The following PGGHG variants were observed in gnomAD, a reference collection of about 807,000 sequenced individuals.
The protein encoded by PGGHG is ATH1, acid trehalase-like 1.
PGGHG carries 67 observed loss-of-function variants against 74.5 expected under a neutral mutation model. That is an observed-to-expected ratio of 0.90 (90% confidence interval 0.74 to 1.10). The LOEUF is 1.10. Ranked by LOEUF, PGGHG falls within the 50% of genes least tolerant of loss-of-function variation. The probability of loss-of-function intolerance (pLI) is 0.00; values close to 1 mark genes in which losing one functional copy is unlikely to be tolerated. For missense variants in PGGHG, 1,034 were observed against 981.5 expected, an observed-to-expected ratio of 1.05 and a Z score of -0.72; for synonymous variants, 496 against 419.9, an observed-to-expected ratio of 1.18 and a Z score of -2.21.
At position 294,407 on chromosome 11, in the gene PGGHG, G is replaced by C. The variant is rs779322076; in HGVS notation, c.1949G>C (p.Arg650Pro). Residue 650 changes from arginine (R) to proline (P), a missense_variant, in exon 13 of 14, where the codon CGA (arginine) becomes CCA (proline). Physicochemically the swap from Arg to Pro is moderately radical, Grantham distance 103. Coordinates refer to ENST00000409548, the MANE Select transcript of PGGHG (RefSeq NM_025092.5). Reference sequence around the variant, plus strand: ...TCCGTGACCGTGGAGGTCACAGCTCGAGCAGGGCCCTGGGCTCCTCACCTG... The same window carrying C: ...TCCGTGACCGTGGAGGTCACAGCTCCAGCAGGGCCCTGGGCTCCTCACCTG... ...EDSVTVEVTA[R>P]AGPWAPHLEA... is the part of the protein sequence containing the mutation. The C allele has an allele frequency of 1.2e-6, 2 of 1,612,550 alleles. No individual in the cohort carries two copies. Among genetic ancestry groups the C allele is most frequent in the South Asian group, 1.1e-5 (1 of 91,010 alleles).
In PGGHG at chr11:294,391, G is replaced by A. The variant is rs750680197; in HGVS notation, c.1933G>A (p.Val645Met). Residue 645 changes from valine to methionine, a missense_variant, in exon 13 of 14, where the codon GTG becomes ATG. Transcript: ENST00000409548. The part of the protein sequence containing the change: ...NFSFSEDSVT[V>M]EVTARAGPWA... ...CTCTTTTTCCGAGGACTCCGTGACC[G>A]TGGAGGTCACAGCTCGAGCAGGGCC... The A allele has an allele frequency of 7.4e-6, 12 of 1,612,916 alleles. No individual in the cohort carries two copies. Among genetic ancestry groups the A allele is most frequent in the African/African-American group, 5.3e-5 (4 of 74,870 alleles).
chr11:291,792 A>T (rs1412441087), intron 4 of PGGHG, 184 bp from the exon 5 acceptor site: 1 of 855,394 alleles, frequency 1.2e-6, no homozygotes, highest in Non-Finnish European at 1.7e-6. Flanking sequence ...CCAGAACTCC[A>T]GGAGCGTCTG....
chr11:293,713 C>T lies in PGGHG; in HGVS notation c.1600C>T (p.Pro534Ser). 6.2e-7 allele frequency: 1 copy of T among 1,613,284 alleles called. No individual in the cohort carries two copies. Among genetic ancestry groups the T allele is most frequent in the Non-Finnish European group, 8.5e-7 (1 of 1,179,976 alleles). ...IYEAVTSPQG[P>S]AMTWSMFAVG... is the part of the protein sequence containing the mutation. ...CGAGGCTGTGACGTCCCCCCAGGGC[C>T]CCGCCATGACCTGGGTGAGCACCCT... Residue 534 changes from proline to serine, a missense_variant, in exon 10 of 14, where the codon CCC becomes TCC. By Grantham distance (74) the Pro-to-Ser change is moderately conservative (BLOSUM62 -1). Transcript: ENST00000409548.
In PGGHG at chr11:292,672, A is replaced by G; in HGVS notation, c.1153A>G (p.Thr385Ala). 6.2e-7 allele frequency: 1 copy of G among 1,613,634 alleles called. No individual in the cohort carries two copies. Among genetic ancestry groups the G allele is most frequent in the Non-Finnish European group, 8.5e-7 (1 of 1,179,970 alleles). The change falls in exon 6 of 14, where the codon ACC (threonine) becomes GCC (alanine). Residue 385 changes from threonine to alanine, a missense_variant. Coordinates refer to ENST00000409548, the MANE Select transcript of PGGHG (RefSeq NM_025092.5). The part of the protein sequence containing the change: ...VLAFELYYHT[T>A]QDLQLFREAG... Reference sequence around the variant, plus strand: ...GGCCTTCGAGCTGTACTACCATACCACCCAGGTGAGGTGCTGCGTGCCCAC... The same window carrying G: ...GGCCTTCGAGCTGTACTACCATACCGCCCAGGTGAGGTGCTGCGTGCCCAC...
chr11:294,823 C>A lies in PGGHG; in HGVS notation c.*74C>A. On this transcript the variant is annotated 3_prime_UTR_variant, in exon 14 of 14. Coordinates refer to ENST00000409548, the MANE Select transcript of PGGHG (RefSeq NM_025092.5). ...CGTCTGCACCCACCCCTCCTGGGCA[C>A]CCTCCTAGCCTGCCATCCCTCACCT... The A allele has an allele frequency of 6.9e-7, 1 of 1,452,078 alleles. No homozygotes were observed. The allele number at this position is 1,452,078 out of a possible 1,614,324, so 89.9% of individuals were successfully genotyped here.
intron 4 of PGGHG, 80 bp downstream of exon 4, chr11:291,193 G>A: frequency 6.8e-7 from 1 of 1,460,664 alleles, no homozygotes; most frequent in Admixed American, 2.3e-5. Flanking sequence ...CTGGGACCAG[G>A]GCTATGGTTG....
Position 294,549 on chromosome 11 carries a change from C to T in PGGHG, c.2021-7C>T. On this transcript the variant is annotated splice_polypyrimidine_tract_variant and splice_region_variant and intron_variant, in intron 13 of 13. Coordinates refer to ENST00000409548, the MANE Select transcript of PGGHG (RefSeq NM_025092.5). ...CCCTCACCCCCAGGCTGCCTCTCTC[C>T]CTGCAGGACACAAGGTCTCCTTTCC... 3 of 1,604,044 alleles carry T rather than the reference C, an allele frequency of 1.9e-6. No individual in the cohort carries two copies. Among genetic ancestry groups the T allele is most frequent in the African/African-American group, 1.3e-5 (1 of 74,858 alleles).
At chr11:291,746 A>C in intron 4 of PGGHG, 1 of 538,536 alleles carries the variant, frequency 1.9e-6, no homozygotes, top group Non-Finnish European at 3.1e-6. Flanking sequence ...AGGCCACACA[A>C]ACGCCGGCTG....
At chr11:292,121 G>T (rs376359102) in intron 5 of PGGHG, 26 bp downstream of exon 5, 1 of 1,528,080 alleles carries the variant, frequency 6.5e-7, no homozygotes, top group South Asian at 1.2e-5. Flanking sequence ...GCACTGGCCC[G>T]TAGGGCCCTG....
In PGGHG at chr11:290,666, A is replaced by G; in HGVS notation, c.471-12A>G. On this transcript the variant is annotated splice_polypyrimidine_tract_variant and intron_variant, in intron 3 of 13. Coordinates refer to ENST00000409548, the MANE Select transcript of PGGHG (RefSeq NM_025092.5). ...GGGAGCTCATCCCTGAGGCATGGCC[A>G]CGCTCTCACAGGTACCTGTATGGCC... The G allele has an allele frequency of 6.2e-7, 1 of 1,609,532 alleles. No homozygotes were observed.
At position 293,954 on chromosome 11, in the gene PGGHG, G is replaced by A. The variant is rs759377321; in HGVS notation, c.1710+29G>A. Reference sequence around the variant, plus strand: ...AGCCTGGCCACACCTGCCTCCCACTGGGCCCCTTGTGGTGGGAGTGGAGCC... The same window carrying A: ...AGCCTGGCCACACCTGCCTCCCACTAGGCCCCTTGTGGTGGGAGTGGAGCC... On this transcript the variant is annotated intron_variant, in intron 11 of 13. Transcript: ENST00000409548. 5 of 1,603,266 alleles carry A rather than the reference G, an allele frequency of 3.1e-6. No homozygotes were observed. In the South Asian group the frequency reaches 4.4e-5, roughly 14 times the overall value.
intron 4 of PGGHG, chr11:291,478 G>T: frequency 3.5e-6 from 1 of 283,472 alleles, no homozygotes; most frequent in Non-Finnish European, 6.7e-6. Context: ...TGTGGGGACT[G>T]GGAAGGCCTG....
intron 11 of PGGHG, 64 bp downstream of exon 11, chr11:293,989 A>C (rs1845803487): frequency 6.3e-7 from 1 of 1,588,346 alleles, no homozygotes; most frequent in African/African-American, 1.3e-5. Flanking sequence ...CCAGCCTCAG[A>C]GCAGGCACAG....
rs753935715 is a variant in PGGHG at position 292,968 on chromosome 11, GC to G, written c.1245del (p.Arg416GlyfsTer7). On this transcript the variant is annotated frameshift_variant, in exon 7 of 14. Transcript: ENST00000409548. LOFTEE classifies it high-confidence loss of function. ...AEFWCSRVEWSPREEKYHLRG... is the reference protein window; with the variant it reads ...AEFWCSRVEWXPREEKYHLRG... Reference sequence around the variant, plus strand: ...TTTTGGTGCAGTCGTGTTGAGTGGAGCCCCAGGGAGGAAAAGTACCACCTGA... The same window carrying G: ...TTTTGGTGCAGTCGTGTTGAGTGGAGCCCAGGGAGGAAAAGTACCACCTGA... The G allele has an allele frequency of 1.2e-6, 2 of 1,613,606 alleles. No individual in the cohort carries two copies. Among genetic ancestry groups the G allele is most frequent in the Non-Finnish European group, 1.7e-6 (2 of 1,179,870 alleles).
intron 5 of PGGHG, 64 bp downstream of exon 5, chr11:292,159 C>A: frequency 6.8e-7 from 1 of 1,473,052 alleles, no homozygotes. Flanking sequence ...ACACCCCTCC[C>A]AGGCCTGTAT....
Position 292,662 on chromosome 11 carries a change from C to G in PGGHG, c.1143C>G (p.Tyr381Ter). ...NGAVVLAFEL[Y>*]YHTTQDLQLF... ...CCGTGGTGTTGGCCTTCGAGCTGTA[C>G]TACCATACCACCCAGGTGAGGTGCT... The change falls in exon 6 of 14, where the codon TAC (tyrosine) becomes TAG (stop). Residue 381 changes from tyrosine to a stop codon, truncating the protein, a stop_gained. Coordinates refer to ENST00000409548, the MANE Select transcript of PGGHG (RefSeq NM_025092.5). LOFTEE classifies it high-confidence loss of function. 6.2e-7 allele frequency: 1 copy of G among 1,613,794 alleles called. No homozygotes were observed. Among genetic ancestry groups the G allele is most frequent in the Non-Finnish European group, 8.5e-7 (1 of 1,179,994 alleles).
intron 8 of PGGHG, 59 bp downstream of exon 8, chr11:293,294 G>A (rs972598609): frequency 6.7e-5 from 101 of 1,518,624 alleles, no homozygotes; most frequent in Middle Eastern, 1.8e-4. Flanking sequence ...GACCTGCCCC[G>A]GTGCCCCCAC....
Position 294,265 on chromosome 11 carries a change from A to T in PGGHG, c.1809-2A>T. On this transcript the variant is annotated splice_acceptor_variant, in intron 12 of 13. Transcript: ENST00000409548. LOFTEE classifies it high-confidence loss of function. Reference sequence around the variant, plus strand: ...CCACCTCACAAGCCTCTCCTCCCACAGGGTCACCCGAGCGGGTGTGACCTT... The same window carrying T: ...CCACCTCACAAGCCTCTCCTCCCACTGGGTCACCCGAGCGGGTGTGACCTT... 1 of 1,600,820 alleles carries T rather than the reference A, an allele frequency of 6.2e-7. No individual in the cohort carries two copies. Among genetic ancestry groups the T allele is most frequent in the Admixed American group, 1.7e-5 (1 of 59,288 alleles).
rs1590293023 is a variant in PGGHG at position 294,869 on chromosome 11, G to T, written c.*120G>T. On this transcript the variant is annotated 3_prime_UTR_variant, in exon 14 of 14. Coordinates refer to ENST00000409548, the MANE Select transcript of PGGHG (RefSeq NM_025092.5). ...CACCTGCAGCCAGGCTCTCAGGGAA[G>T]GTCCATGCTGCTTGGCCTGAGTTCA... 8.1e-7 allele frequency: 1 copy of T among 1,228,068 alleles called. No individual in the cohort carries two copies. The allele number at this position is 1,228,068 out of a possible 1,614,324, so 76.1% of individuals were successfully genotyped here.
Sources: gnomAD v4.1 joint callset for allele counts on GRCh38, gnomAD v4.1.1 for gene constraint, MANE v1.5 for transcripts, NCBI Gene and HGNC (gene_info 2026-07-23, HGNC 2026-07-21) for gene names.